Variants in BCAS3 observed in about 807,000 individuals in gnomAD.
The protein encoded by BCAS3 is BCAS3 microtubule associated cell migration factor.
BCAS3 carries 53 observed loss-of-function variants against 116.1 expected under a neutral mutation model. The observed-to-expected ratio is 0.46, with a 90% confidence interval of 0.37 to 0.57. The LOEUF (loss-of-function observed/expected upper bound fraction) is 0.57. Among genes scored for constraint, BCAS3 ranks in the 20% least tolerant of loss-of-function variants. BCAS3 has a pLI of 0.00. For missense variants in BCAS3, 917 were observed against 1,165.4 expected (o/e 0.79, Z 3.10); for synonymous variants, 391 against 408.2 (o/e 0.96, Z 0.51).
At position 61,020,352 on chromosome 17, in the gene BCAS3, A is replaced by T. The variant is rs954562660; in HGVS notation, c.1637+4451A>T. On this transcript the variant is annotated intron_variant, in intron 16 of 23. Transcript: ENST00000407086. This position sits in a 1 kb window ranked among gnomAD's most constrained non-coding sequence, Gnocchi z 4.5. ...TAGAACTACAAATAGCAGAAGACAG[A>T]TGTATTTACACCTTCTTGTTCAGTA... Among the ~76,000 whole-genome samples the T allele has an allele frequency of 1.3e-5, 2 of 152,232 alleles. No individual in the cohort carries two copies. The highest frequency in any genetic ancestry group is 1.3e-4 in the Admixed American group (2 of 15,286).
chr17:61,108,703 C>T (rs1254667509), intron 22 of BCAS3, among the ~76,000 whole-genome samples: 1 of 150,882 alleles, frequency 6.6e-6, no homozygotes, highest in East Asian at 2.0e-4. Flanking sequence ...TTTTGGTGCA[C>T]CCATCACCCG....
chr17:60,907,969 G>A (rs549794115), intron 11 of BCAS3, among the ~76,000 whole-genome samples: 3 of 152,222 alleles, frequency 2.0e-5, no homozygotes, highest in South Asian at 2.1e-4. Flanking sequence ...TACCCTAAAA[G>A]CAAGGGTCTT....
chr17:60,958,665 G>A (rs1490147274), intron 14 of BCAS3, among the ~76,000 whole-genome samples: 2 of 152,094 alleles, frequency 1.3e-5, no homozygotes, highest in Admixed American at 6.5e-5. Flanking sequence ...ATCCCAGCAG[G>A]GTTTTCTTTT....
chr17:61,177,761 A>G (rs559054690), intron 22 of BCAS3, among the ~76,000 whole-genome samples: 2 of 152,300 alleles, frequency 1.3e-5, no homozygotes, highest in Admixed American at 6.5e-5. Context: ...CCCTCATTCT[A>G]TATTCTGTTC....
Position 61,281,844 on chromosome 17 carries a change from TTC to T in BCAS3, c.2426-86479_2426-86478del, listed in dbSNP as rs1013963472. ...ATCATATTAAGTATAGCTTTCTCAT[TTC>T]TCTGTTTTTAAAAAAAATTCTTCGT... On this transcript the variant is annotated intron_variant, in intron 22 of 23. Coordinates refer to ENST00000407086, the MANE Select transcript of BCAS3 (RefSeq NM_017679.5). This position sits in a 1 kb window ranked among gnomAD's most constrained non-coding sequence, Gnocchi z 4.2. 4.6e-5 allele frequency among the ~76,000 whole-genome samples: 7 copies of T among 152,296 alleles called. No individual in the cohort carries two copies. Among genetic ancestry groups the T allele is most frequent in the African/African-American group, 1.4e-4 (6 of 41,578 alleles).
At chr17:61,159,343 CA>C (rs1023067898) in intron 22 of BCAS3, 1 of 78,424 alleles carries the variant, frequency 1.3e-5, no homozygotes, top group Admixed American at 1.5e-4. Flanking sequence ...GTAAAATGTT[CA>C]TTTTTTTTTT....
At chr17:60,845,147 T>A (rs1301374162) in intron 7 of BCAS3, among the ~76,000 whole-genome samples, 3 of 152,210 alleles carry the variant, frequency 2.0e-5, no homozygotes, top group African/African-American at 4.8e-5. Context: ...GAGAATCGCT[T>A]GAACCCAGGA....
At chr17:61,386,796 G>GTTTTTTT (rs57275173) in intron 23 of BCAS3, among the ~76,000 whole-genome samples, 7 of 113,838 alleles carry the variant, frequency 6.1e-5, no homozygotes, top group Non-Finnish European at 9.7e-5. Flanking sequence ...TTTGTTTTTT[G>GTTTTTTT]TTTTTTTTTT....
Position 61,391,807 on chromosome 17 carries a change from C to T in BCAS3, c.2594-170C>T. 1.4e-6 allele frequency: 1 copy of T among 695,384 alleles called. No individual in the cohort carries two copies. The highest frequency in any genetic ancestry group is 2.4e-6 in the Non-Finnish European group (1 of 410,210). 43.1% of individuals were successfully genotyped at this position (695,384 alleles called of 1,614,324 possible). On this transcript the variant is annotated intron_variant, in intron 23 of 23. Transcript: ENST00000407086. This position sits in a 1 kb window ranked among gnomAD's most constrained non-coding sequence, Gnocchi z 7.7. ...CTTTCCCTCCCCTGGCTGAGCCTTCCTGTGACCTGAGCTGCCCCCTGCCCA... is the reference window on the plus strand; with the variant it reads ...CTTTCCCTCCCCTGGCTGAGCCTTCTTGTGACCTGAGCTGCCCCCTGCCCA...
Position 61,136,501 on chromosome 17 carries a change from C to T in BCAS3, c.2425+51937C>T, listed in dbSNP as rs1187281771. Among the ~76,000 whole-genome samples the T allele has an allele frequency of 4.6e-5, 7 of 152,186 alleles. No individual in the cohort carries two copies. Among genetic ancestry groups the T allele is most frequent in the South Asian group, 2.1e-4 (1 of 4,836 alleles). On this transcript the variant is annotated intron_variant, in intron 22 of 23. Transcript: ENST00000407086. The surrounding 1 kb of genome is among the most constrained non-coding windows in gnomAD (Gnocchi z 4.4). The stretch of plus-strand genomic sequence containing the variant: ...GGCCTCTACCCGTTAGATAGCAGCA[C>T]GCCCCCTTCCCTCAGATGCCTCCAA...
chr17:61,377,172 G>C lies in BCAS3; in HGVS notation c.2593+8678G>C, dbSNP rs2059376185. Among the ~76,000 whole-genome samples, 2 of 152,160 alleles carry C rather than the reference G, an allele frequency of 1.3e-5. No individual in the cohort carries two copies. The highest frequency in any genetic ancestry group is 6.5e-5 in the Admixed American group (1 of 15,282). On this transcript the variant is annotated intron_variant, in intron 23 of 23. Transcript: ENST00000407086. This position sits in a 1 kb window ranked among gnomAD's most constrained non-coding sequence, Gnocchi z 4.6. ...CTTTCTAGGATGCGGAGGCAAAGCT[G>C]GAACTCCCCAGTGCCTAATGCCCTG...
intron 5 of BCAS3, among the ~76,000 whole-genome samples, chr17:60,725,045 G>A (rs1356158464): frequency 2.0e-5 from 3 of 152,036 alleles, no homozygotes; most frequent in Non-Finnish European, 4.4e-5. Flanking sequence ...TTGTAGAGAG[G>A]GGCTCTCATT....
At position 61,034,974 on chromosome 17, in the gene BCAS3, A is replaced by G. The variant is rs2066905700; in HGVS notation, c.1762+184A>G. 6.6e-6 allele frequency among the ~76,000 whole-genome samples: 1 copy of G among 152,186 alleles called. No homozygotes were observed. The highest frequency in any genetic ancestry group is 1.5e-5 in the Non-Finnish European group (1 of 68,026). ...CAAGAAGAAAAACTATCCTCTCAGT[A>G]TGAACGTTAATGAATTGCCCACTGA... On this transcript the variant is annotated intron_variant, in intron 17 of 23. Transcript: ENST00000407086. This position sits in a 1 kb window ranked among gnomAD's most constrained non-coding sequence, Gnocchi z 5.0.
intron 13 of BCAS3, among the ~76,000 whole-genome samples, chr17:60,934,170 A>AT (rs1201270756): frequency 1.3e-5 from 2 of 152,160 alleles, no homozygotes; most frequent in South Asian, 2.1e-4. Context: ...AACTTTAAGT[A>AT]TTTTTTCCTG....
intron 22 of BCAS3, among the ~76,000 whole-genome samples, chr17:61,164,775 T>C (rs543781459): frequency 3.3e-5 from 5 of 152,340 alleles, no homozygotes; most frequent in African/African-American, 1.2e-4. Context: ...AATTACCCAG[T>C]CTGTGGTATT....
At position 61,056,413 on chromosome 17, in the gene BCAS3, C is replaced by G. The variant is rs1304227090; in HGVS notation, c.2029+15521C>G. 4.6e-5 allele frequency among the ~76,000 whole-genome samples: 7 copies of G among 151,956 alleles called. No homozygotes were observed. Among genetic ancestry groups the G allele is most frequent in the African/African-American group, 1.7e-4 (7 of 41,366 alleles). On this transcript the variant is annotated intron_variant, in intron 19 of 23. Coordinates refer to ENST00000407086, the MANE Select transcript of BCAS3 (RefSeq NM_017679.5). The surrounding 1 kb of genome is among the most constrained non-coding windows in gnomAD (Gnocchi z 4.9). ...ACAGGAAAAATAAAAGACTGAGAAC[C>G]ACTTATTTTGCAAGTCATATGAAGA...
chr17:61,025,357 A>C (rs968850322), intron 16 of BCAS3, among the ~76,000 whole-genome samples: 3 of 152,056 alleles, frequency 2.0e-5, no homozygotes, highest in Non-Finnish European at 2.9e-5. Flanking sequence ...CATTGCTGTT[A>C]TCTAGGAGCT....
intron 22 of BCAS3, among the ~76,000 whole-genome samples, chr17:61,113,103 T>C (rs897383075): frequency 1.9e-4 from 11 of 57,500 alleles, no homozygotes; most frequent in African/African-American, 3.9e-4. Context: ...TAGAGGGAAA[T>C]TTATAGCACT....
chr17:60,841,565 T>TA (rs60652201), intron 7 of BCAS3, among the ~76,000 whole-genome samples: 1 of 142,980 alleles, frequency 7.0e-6, no homozygotes. Context: ...TTTTTTTTTT[T>TA]GTATTTTTAG....
Sources: allele counts gnomAD v4.1 joint callset (sites outside exome capture counted in the v4.1 genomes callset), GRCh38; gene constraint gnomAD v4.1.1; non-coding constraint Gnocchi (gnomAD v3.1); transcripts MANE v1.5; gene names NCBI Gene and HGNC (gene_info 2026-07-23, HGNC 2026-07-21).